The following ELAVL3 variants were observed in gnomAD, a reference collection of about 807,000 sequenced individuals.
The protein encoded by ELAVL3 is ELAV like RNA binding protein 3, also known as ELAV-like protein 3.
In ELAVL3, 8 loss-of-function variants were observed where a neutral mutation model predicts 34.2. The ratio of observed to expected loss-of-function variants is 0.23; its 90% CI spans 0.14 to 0.42. The LOEUF (loss-of-function observed/expected upper bound fraction) is 0.42. ELAVL3 is among the 10% of genes least tolerant of loss of function. The pLI, the probability that ELAVL3 is intolerant of heterozygous loss-of-function variation, is 1.00. For synonymous variants in ELAVL3, 209 were observed against 222.1 expected (o/e 0.94, Z 0.53); for missense variants, 273 against 518.8 (o/e 0.53, Z 4.60).
At chr19:11,461,717 G>C (rs1387926420) in intron 3 of ELAVL3, among the ~76,000 whole-genome samples, 1 of 151,756 alleles carries the variant, frequency 6.6e-6, no homozygotes, top group Non-Finnish European at 1.5e-5. Context: ...TCCCACCCTC[G>C]GCCTCCCAAA....
At position 11,454,433 on chromosome 19, in the gene ELAVL3, G is replaced by C; in HGVS notation, c.*93C>G. ...CGTCGTCCGTGGGGCTGCCTGTGCT[G>C]TCTCTCTTGGGCCCCTTCTCTCTCT... On this transcript the variant is annotated 3_prime_UTR_variant, in exon 7 of 7. Transcript: ENST00000359227. This position sits in a 1 kb window ranked among gnomAD's most constrained non-coding sequence, Gnocchi z 9.2. 1 of 1,255,684 alleles carries C rather than the reference G, an allele frequency of 8.0e-7. No homozygotes were observed. The highest frequency in any genetic ancestry group is 1.1e-6 in the Non-Finnish European group (1 of 930,658). The allele number at this position is 1,255,684 out of a possible 1,614,324, so 77.8% of individuals were successfully genotyped here. A position where few individuals can be genotyped will look rare whatever the true frequency, so the allele number is the denominator to read the frequency against.
chr19:11,470,528 T>C (rs1019138604), intron 1 of ELAVL3, among the ~76,000 whole-genome samples: 1 of 141,840 alleles, frequency 7.1e-6, no homozygotes, highest in Admixed American at 7.0e-5. Flanking sequence ...AAAAAAAAAA[T>C]TAGCCGGGCG....
In ELAVL3 at chr19:11,458,665, G is replaced by T. The variant is rs186861456; in HGVS notation, c.334-54C>A. 2,704 of 1,600,334 alleles carry T rather than the reference G, an allele frequency of 1.7e-3. 4 individuals carry two copies. Among genetic ancestry groups the T allele is most frequent in the Non-Finnish European group, 2.1e-3 (2,504 of 1,173,784 alleles). ...TGAGGCAGAGACCCATTTCACAGAT[G>T]GAGAGAGTGAGGCCATGTCTAAACC... On this transcript the variant is annotated intron_variant, in intron 3 of 6. Transcript: ENST00000359227. The surrounding 1 kb of genome is among the most constrained non-coding windows in gnomAD (Gnocchi z 7.3).
At chr19:11,461,658 T>C (rs1376659374) in intron 3 of ELAVL3, among the ~76,000 whole-genome samples, 4 of 151,934 alleles carry the variant, frequency 2.6e-5, no homozygotes, top group African/African-American at 7.3e-5. Flanking sequence ...AGTACAGTGA[T>C]GCAATCATGG....
Position 11,453,697 on chromosome 19 carries a change from C to G in ELAVL3, c.*829G>C, listed in dbSNP as rs554876669. 1.3e-5 allele frequency: 2 copies of G among 153,108 alleles called. No individual in the cohort carries two copies. Among genetic ancestry groups the G allele is most frequent in the African/African-American group, 4.8e-5 (2 of 41,442 alleles). 9.5% of individuals were successfully genotyped at this position (153,108 alleles called of 1,614,324 possible). A position where few individuals can be genotyped will look rare whatever the true frequency, so the allele number is the denominator to read the frequency against. On this transcript the variant is annotated 3_prime_UTR_variant, in exon 7 of 7. Coordinates refer to ENST00000359227, the MANE Select transcript of ELAVL3 (RefSeq NM_001420.4). ...GTCGCTGTGTCCGTCTGCGTCTGTC[C>G]GTGTGTCCCCGTGGTGTGACTGTCT...
Position 11,466,248 on chromosome 19 carries a change from T to C in ELAVL3, c.257A>G (p.Asn86Ser). Residue 86 changes from asparagine (N) to serine (S), a missense_variant, in exon 3 of 7, where the codon AAC (asparagine) becomes AGC (serine). Physicochemically the swap from Asn to Ser is conservative, Grantham distance 46. Coordinates refer to ENST00000359227, the MANE Select transcript of ELAVL3 (RefSeq NM_001420.4). This position sits in a 1 kb window ranked among gnomAD's most constrained non-coding sequence, Gnocchi z 5.0. Reference protein sequence around the residue: ...TGQSLGYGFVNYSDPNDADKA... With the variant: ...TGQSLGYGFVSYSDPNDADKA... The stretch of plus-strand genomic sequence containing the variant: ...GTCTGCATCATTGGGGTCAGAATAG[T>C]TCACAAACCCGTAGCCAAGGCTCTG... The C allele has an allele frequency of 6.2e-7, 1 of 1,613,650 alleles. No homozygotes were observed. The highest frequency in any genetic ancestry group is 8.5e-7 in the Non-Finnish European group (1 of 1,179,824).
chr19:11,479,254 G>A (rs1971321388), intron 1 of ELAVL3, among the ~76,000 whole-genome samples: 1 of 152,156 alleles, frequency 6.6e-6, no homozygotes, highest in African/African-American at 2.4e-5. Context: ...AACGGCCTGA[G>A]GTCACACAGC....
In ELAVL3 at chr19:11,458,752, G is replaced by T; in HGVS notation, c.334-141C>A. The T allele has an allele frequency of 5.2e-6, 6 of 1,146,812 alleles. No homozygotes were observed. Among genetic ancestry groups the T allele is most frequent in the Non-Finnish European group, 7.4e-6 (6 of 813,650 alleles). The allele number at this position is 1,146,812 out of a possible 1,614,324, so 71.0% of individuals were successfully genotyped here. On this transcript the variant is annotated intron_variant, in intron 3 of 6. Coordinates refer to ENST00000359227, the MANE Select transcript of ELAVL3 (RefSeq NM_001420.4). This position sits in a 1 kb window ranked among gnomAD's most constrained non-coding sequence, Gnocchi z 7.3. Reference sequence around the variant, plus strand: ...AATAAGTATCTCTAGAGTTGTCACCGTGGGGTGGGGCTGAGTCAGATATGG... The same window carrying T: ...AATAAGTATCTCTAGAGTTGTCACCTTGGGGTGGGGCTGAGTCAGATATGG...
chr19:11,460,732 A>G (rs1047820211), intron 3 of ELAVL3, among the ~76,000 whole-genome samples: 1 of 151,736 alleles, frequency 6.6e-6, no homozygotes, highest in Non-Finnish European at 1.5e-5. Flanking sequence ...TCCTCCCCCC[A>G]CCACCCCTAT....
chr19:11,480,000 G>C (rs888526230), intron 1 of ELAVL3, among the ~76,000 whole-genome samples: 4 of 151,090 alleles, frequency 2.6e-5, no homozygotes, highest in Non-Finnish European at 5.9e-5. Flanking sequence ...TGCGGCCCGC[G>C]AAGAAGCGCC....
At chr19:11,468,510 G>T (rs1200026285) in intron 1 of ELAVL3, among the ~76,000 whole-genome samples, 2 of 151,574 alleles carry the variant, frequency 1.3e-5, no homozygotes, top group Admixed American at 1.3e-4. Context: ...TGCCTCCCAG[G>T]TTCAAGCAAT....
In ELAVL3 at chr19:11,454,936, T is replaced by C; in HGVS notation, c.753-59A>G. On this transcript the variant is annotated intron_variant, in intron 6 of 6. Transcript: ENST00000359227. This position sits in a 1 kb window ranked among gnomAD's most constrained non-coding sequence, Gnocchi z 9.2. ...CCCCCGCATGCTTCTGACCCCGTTGTGACCCTTCACACCTTTATGACCCCT... is the reference window on the plus strand; with the variant it reads ...CCCCCGCATGCTTCTGACCCCGTTGCGACCCTTCACACCTTTATGACCCCT... 1.3e-6 allele frequency: 2 copies of C among 1,526,900 alleles called. No homozygotes were observed. Among genetic ancestry groups the C allele is most frequent in the Non-Finnish European group, 1.8e-6 (2 of 1,136,692 alleles). The allele number at this position is 1,526,900 out of a possible 1,614,324, so 94.6% of individuals were successfully genotyped here.
At chr19:11,479,604 G>C (rs1290421386) in intron 1 of ELAVL3, among the ~76,000 whole-genome samples, 1 of 151,632 alleles carries the variant, frequency 6.6e-6, no homozygotes, top group Non-Finnish European at 1.5e-5. Flanking sequence ...CCGGGCTGCC[G>C]AGTGGGAATC....
At chr19:11,475,966 C>T (rs1226440591) in intron 1 of ELAVL3, among the ~76,000 whole-genome samples, 1 of 152,088 alleles carries the variant, frequency 6.6e-6, no homozygotes, top group African/African-American at 2.4e-5. Context: ...CCTGCATCTC[C>T]AATTGGCTGA....
chr19:11,469,290 C>T (rs113747769), intron 1 of ELAVL3, among the ~76,000 whole-genome samples: 3 of 150,872 alleles, frequency 2.0e-5, no homozygotes, highest in Admixed American at 1.3e-4. Context: ...TTTTTTTGCG[C>T]GGGAGGGGGG....
chr19:11,465,341 C>G (rs985419058), intron 3 of ELAVL3, among the ~76,000 whole-genome samples: 10 of 147,752 alleles, frequency 6.8e-5, no homozygotes, highest in African/African-American at 2.6e-4. Flanking sequence ...ACACCACACA[C>G]ACATGCGTAC....
intron 1 of ELAVL3, among the ~76,000 whole-genome samples, chr19:11,474,327 T>C (rs1165903893): frequency 1.3e-5 from 2 of 152,142 alleles, no homozygotes; most frequent in African/African-American, 4.8e-5. Context: ...CCAGGCACGG[T>C]TGCTCACGTC....
At chr19:11,465,786 G>A (rs938091472) in intron 3 of ELAVL3, among the ~76,000 whole-genome samples, 25 of 152,156 alleles carry the variant, frequency 1.6e-4, no homozygotes, top group Non-Finnish European at 1.6e-4. Flanking sequence ...GGGATGGGCC[G>A]CCCCAATCCC....
intron 3 of ELAVL3, among the ~76,000 whole-genome samples, chr19:11,464,683 A>AC (rs1188968298): frequency 1.8e-5 from 2 of 113,306 alleles, no homozygotes; most frequent in Non-Finnish European, 1.8e-5. Flanking sequence ...TCACACACAC[A>AC]CCCCCCACAC....
Sources: allele counts gnomAD v4.1 joint callset (sites outside exome capture counted in the v4.1 genomes callset), GRCh38; gene constraint gnomAD v4.1.1; non-coding constraint Gnocchi (gnomAD v3.1); transcripts MANE v1.5; gene names NCBI Gene and HGNC (gene_info 2026-07-23, HGNC 2026-07-21).